Variants in CHD4 observed in about 807,000 individuals in gnomAD.
CHD4 encodes ATP-dependent chromatin remodeler CHD4.
Under a neutral mutation model 235.5 loss-of-function variants are expected in CHD4, and 35 were observed. That is an observed-to-expected ratio of 0.15 (90% confidence interval 0.11 to 0.20). The LOEUF (loss-of-function observed/expected upper bound fraction) is 0.20, where lower values mean the gene tolerates loss of function less well. Among genes scored for constraint, CHD4 ranks in the 10% least tolerant of loss-of-function variants. The pLI, the probability that CHD4 is intolerant of heterozygous loss-of-function variation, is 1.00. For missense variants in CHD4, 1,329 were observed against 2,432.3 expected (o/e 0.55, Z 9.54); for synonymous variants, 900 against 850.2 (o/e 1.06, Z -1.02).
chr12:6,589,520 G>A (rs752468440), intron 22 of CHD4, among the ~76,000 whole-genome samples: 1 of 152,154 alleles, frequency 6.6e-6, no homozygotes, highest in Non-Finnish European at 1.5e-5. Context: ...TGTAATCCCA[G>A]CACTTTGGGA....
chr12:6,571,159 G>A (rs993086102), intron 38 of CHD4, 127 bp from the exon 39 acceptor site: 1 of 1,076,426 alleles, frequency 9.3e-7, no homozygotes, highest in African/African-American at 1.6e-5. Flanking sequence ...TCTGTCATCT[G>A]ACCTGACCTC....
Position 6,606,349 on chromosome 12 carries a change from A to G in CHD4, c.25T>C (p.Ser9Pro). ...TCCTCACTGCCCGCCGAGCAGGGGG[A>G]CGGGGAGCCCAGGCCCGACGCCATC... MASGLGSPSPCSAGSEEED... is the reference protein window; with the variant it reads MASGLGSPPPCSAGSEEED... Residue 9 changes from serine to proline, a missense_variant, in exon 2 of 40, where the codon TCC becomes CCC. By Grantham distance (74) the Ser-to-Pro change is moderately conservative. Around this residue, in one of 26 missense-constraint regions of CHD4, gnomAD observed 213 missense variants for 177.5 expected, o/e 1.20. Coordinates refer to ENST00000544040, the MANE Select transcript of CHD4 (RefSeq NM_001273.5). The G allele has an allele frequency of 6.4e-7, 1 of 1,569,850 alleles. No individual in the cohort carries two copies. Among genetic ancestry groups the G allele is most frequent in the South Asian group, 1.1e-5 (1 of 87,334 alleles).
intron 13 of CHD4, 64 bp downstream of exon 13, chr12:6,595,941 AG>A (rs1417613844): frequency 1.9e-5 from 29 of 1,521,120 alleles, no homozygotes; most frequent in Non-Finnish European, 2.5e-5. Context: ...TTGGTGACAG[AG>A]CAAGACTCCA....
rs369857098 is a variant in CHD4, at chr12:6,570,709, C to G, written c.5722-16G>C. On this transcript the variant is annotated splice_polypyrimidine_tract_variant and intron_variant, in intron 39 of 39. Coordinates refer to ENST00000544040, the MANE Select transcript of CHD4 (RefSeq NM_001273.5). ...GCTGGGCTACCTAGAGAAGGAGACC[C>G]GAGGAGTCAGAATTCCAGATGATAG... 63 of 1,613,888 alleles carry G rather than the reference C, an allele frequency of 3.9e-5. No individual in the cohort carries two copies. Among genetic ancestry groups the G allele is most frequent in the Non-Finnish European group, 4.9e-5 (58 of 1,180,000 alleles).
chr12:6,572,533 C>T (rs895236583), intron 38 of CHD4, among the ~76,000 whole-genome samples: 1 of 152,062 alleles, frequency 6.6e-6, no homozygotes, highest in Non-Finnish European at 1.5e-5. Flanking sequence ...GAGTTCAAGA[C>T]CCACCTGGGC....
In CHD4 at chr12:6,587,441, A is replaced by G. The variant is rs746335183; in HGVS notation, c.3822T>C (p.Asn1274=). The G allele has an allele frequency of 2.5e-6, 4 of 1,614,184 alleles. No individual in the cohort carries two copies. The highest frequency in any genetic ancestry group is 2.5e-6 in the Non-Finnish European group (3 of 1,180,038). ...CCACTTTGAATGAGCTCAAATATTCATTCATGCCCTGCAATTCTGTGTCTT... is the reference window on the plus strand; with the variant it reads ...CCACTTTGAATGAGCTCAAATATTCGTTCATGCCCTGCAATTCTGTGTCTT... ...ETEDTELQGM[N]EYLSSFKVAQ... is the part of the protein sequence containing the mutation. The change falls in exon 25 of 40, where the codon AAT becomes AAC. Residue 1274 remains asparagine (N), a synonymous_variant. Transcript: ENST00000544040.
At chr12:6,576,049 C>CTT (rs35630388) in intron 37 of CHD4, among the ~76,000 whole-genome samples, 3 of 145,958 alleles carry the variant, frequency 2.1e-5, no homozygotes, top group African/African-American at 5.0e-5. Flanking sequence ...CTCTCGAGAA[C>CTT]TTTTTTTTTT....
At chr12:6,595,290 A>G in intron 14 of CHD4, 44 bp downstream of exon 14, 1 of 1,498,566 alleles carries the variant, frequency 6.7e-7, no homozygotes, top group Non-Finnish European at 9.3e-7. Flanking sequence ...GCAAAGATAC[A>G]TTGTCCTACC....
chr12:6,606,157 C>G, intron 2 of CHD4, 117 bp downstream of exon 2: 1 of 684,712 alleles, frequency 1.5e-6, no homozygotes, highest in Non-Finnish European at 2.4e-6. Context: ...CGGATACCCT[C>G]CACCTCCGGC....
At chr12:6,594,365 A>AT (rs1232146086) in intron 15 of CHD4, 94 bp downstream of exon 15, 11 of 1,246,104 alleles carry the variant, frequency 8.8e-6, no homozygotes, top group Non-Finnish European at 1.1e-5. Flanking sequence ...TCAGAGACCA[A>AT]TTTTTTTATT....
At chr12:6,578,264 G>T in intron 35 of CHD4, 127 bp from the exon 36 acceptor site, 1 of 1,359,988 alleles carries the variant, frequency 7.4e-7, no homozygotes, top group South Asian at 1.2e-5. Flanking sequence ...TTTGCTTCTG[G>T]CTTTCTCCAC....
At chr12:6,604,395 G>A (rs892654513) in intron 2 of CHD4, among the ~76,000 whole-genome samples, 7 of 152,098 alleles carry the variant, frequency 4.6e-5, no homozygotes, top group African/African-American at 1.4e-4. Flanking sequence ...AGATACTAGG[G>A]AATGAGACAT....
At chr12:6,585,069 G>A (rs557765722) in intron 25 of CHD4, among the ~76,000 whole-genome samples, 117 of 152,294 alleles carry the variant, frequency 7.7e-4, no homozygotes, top group African/African-American at 2.6e-3. Flanking sequence ...GAGAAAAGAT[G>A]ACAAAGACCA....
chr12:6,599,561 T>C (rs1047747631), intron 10 of CHD4, among the ~76,000 whole-genome samples: 7 of 152,148 alleles, frequency 4.6e-5, no homozygotes, highest in Non-Finnish European at 7.4e-5. Context: ...CATCTCCTCT[T>C]AAGAGAGCTG....
At position 6,601,583 on chromosome 12, in the gene CHD4, A is replaced by G. The variant is rs931882899; in HGVS notation, c.558-53T>C. On this transcript the variant is annotated intron_variant, in intron 5 of 39. Transcript: ENST00000544040. The stretch of plus-strand genomic sequence containing the variant: ...GGAAAGGTTTAAGAATAAAAAAAGA[A>G]AGAGAAGTAAGAAGAGAGAACAGAA... The G allele has an allele frequency of 5.0e-5, 80 of 1,612,776 alleles. No homozygotes were observed. The Admixed American group carries it at 6.0e-4, about 12-fold the overall frequency.
At chr12:6,571,257 CCTTA>C (rs1167256987) in intron 38 of CHD4, 4 of 525,320 alleles carry the variant, frequency 7.6e-6, no homozygotes, top group African/African-American at 3.9e-5. Context: ...CTTCACTATC[CCTTA>C]CTATTATTGT....
intron 18 of CHD4, 52 bp downstream of exon 18, chr12:6,592,644 G>C: frequency 6.3e-7 from 1 of 1,591,472 alleles, no homozygotes; most frequent in Admixed American, 1.7e-5. Context: ...ATGGGCAACA[G>C]GAAGAATGAG....
At chr12:6,595,830 T>C (rs1592276804) in intron 13 of CHD4, among the ~76,000 whole-genome samples, 176 bp downstream of exon 13, 1 of 148,086 alleles carries the variant, frequency 6.8e-6, no homozygotes, top group Non-Finnish European at 1.5e-5. Context: ...TGGTGGCGTA[T>C]GCAAATAATC....
rs1948423031 is a variant in CHD4, at chr12:6,592,799, C to A, written c.2671G>T (p.Gly891Cys). 6.2e-7 allele frequency: 1 copy of A among 1,612,726 alleles called. No homozygotes were observed. The highest frequency in any genetic ancestry group is 8.5e-7 in the Non-Finnish European group (1 of 1,179,690). ...AACAGCTTGTGCTGGAGTGAGTAAC[C>A]ATTCAATACCCGGAAGAACTGGTGA... ...NQSKFFRVLN[G>C]YSLQHKLLLT... Residue 891 changes from glycine to cysteine, a missense_variant, in exon 18 of 40, where the codon GGT becomes TGT. Transcript: ENST00000544040.
Sources: gnomAD v4.1 joint callset for allele counts (sites outside exome capture counted in the v4.1 genomes callset) on GRCh38, gnomAD v4.1.1 for gene constraint, gnomAD v4.1.1 regional missense constraint, MANE v1.5 for transcripts, NCBI Gene and HGNC (gene_info 2026-07-23, HGNC 2026-07-21) for gene names.